Variants in LRMDA observed in about 807,000 individuals in gnomAD.
LRMDA encodes the protein leucine rich melanocyte differentiation associated.
In LRMDA, 18 loss-of-function variants were observed where a neutral mutation model predicts 29.8. That is an observed-to-expected ratio of 0.60 (90% CI 0.42 to 0.90). The LOEUF (loss-of-function observed/expected upper bound fraction) is 0.90. Among genes scored for constraint, LRMDA ranks in the 40% least tolerant of loss-of-function variants. The pLI is 0.00. For missense variants in LRMDA, 273 were observed against 273.9 expected (o/e 1.00, Z 0.02); for synonymous variants, 125 against 109.4 (o/e 1.14, Z -0.89).
At chr10:75,962,618 C>T (rs774036650) in intron 2 of LRMDA, among the ~76,000 whole-genome samples, 6 of 152,200 alleles carry the variant, frequency 3.9e-5, no homozygotes, top group Middle Eastern at 3.2e-3. Flanking sequence ...AGTAAATGAT[C>T]GCAGCCAATT....
chr10:75,830,947 C>T (rs965806854), intron 2 of LRMDA, among the ~76,000 whole-genome samples: 13 of 152,084 alleles, frequency 8.5e-5, no homozygotes, highest in African/African-American at 2.9e-4. Flanking sequence ...AACAGGAGTA[C>T]AGGAATTGGG....
chr10:75,956,323 G>T (rs1846662889), intron 2 of LRMDA, among the ~76,000 whole-genome samples: 1 of 152,084 alleles, frequency 6.6e-6, no homozygotes, highest in Non-Finnish European at 1.5e-5. Context: ...GGAGGATGAG[G>T]GTTAAATGGT....
intron 2 of LRMDA, among the ~76,000 whole-genome samples, chr10:75,739,611 C>A (rs1842806066): frequency 6.6e-6 from 1 of 152,108 alleles, no homozygotes; most frequent in African/African-American, 2.4e-5. Flanking sequence ...GGGTATCAGG[C>A]AGGTGAATCA....
chr10:76,187,927 C>T (rs979019407), intron 5 of LRMDA, among the ~76,000 whole-genome samples: 3 of 152,108 alleles, frequency 2.0e-5, no homozygotes, highest in African/African-American at 7.2e-5. Flanking sequence ...GTGTCATTCT[C>T]CTAGTTCCCA....
At chr10:75,487,332 T>C (rs1844927456) in intron 2 of LRMDA, among the ~76,000 whole-genome samples, 1 of 152,244 alleles carries the variant, frequency 6.6e-6, no homozygotes, top group Non-Finnish European at 1.5e-5. Flanking sequence ...GATGGGCTCA[T>C]GTCAGAAAGG....
chr10:75,696,726 G>A (rs999537898), intron 2 of LRMDA, among the ~76,000 whole-genome samples: 2 of 152,174 alleles, frequency 1.3e-5, no homozygotes, highest in Admixed American at 6.5e-5. Flanking sequence ...GCATTGGAGA[G>A]GAGCATGATG....
intron 2 of LRMDA, among the ~76,000 whole-genome samples, chr10:75,806,606 G>A (rs895758016): frequency 1.3e-5 from 2 of 151,502 alleles, no homozygotes; most frequent in East Asian, 1.9e-4. Flanking sequence ...TGATTGATCG[G>A]GATAAAGTTG....
At chr10:75,616,095 C>T (rs913353307) in intron 2 of LRMDA, among the ~76,000 whole-genome samples, 2 of 152,070 alleles carry the variant, frequency 1.3e-5, no homozygotes, top group Non-Finnish European at 2.9e-5. Flanking sequence ...GGGGAGGGCT[C>T]ACAGTCATGG....
chr10:76,083,563 T>G (rs1239700191), intron 5 of LRMDA, among the ~76,000 whole-genome samples: 1 of 152,194 alleles, frequency 6.6e-6, no homozygotes, highest in African/African-American at 2.4e-5. Context: ...GCACAGTGGC[T>G]CACGCCTCTA....
In LRMDA at chr10:76,022,090, A is replaced by G. The variant is rs188342933; in HGVS notation, c.132-13918A>G. Among the ~76,000 whole-genome samples, 4 of 152,286 alleles carry G rather than the reference A, an allele frequency of 2.6e-5. No individual in the cohort carries two copies. The East Asian group carries it at 5.8e-4, about 22-fold the overall frequency. ...AGGATACTAATCTTAAGATATTTGG[A>G]TATTAGAAGAGATCTTAGAGACCTT... On this transcript the variant is annotated intron_variant, in intron 2 of 6. Coordinates refer to ENST00000611255, the MANE Select transcript of LRMDA (RefSeq NM_001305581.2).
chr10:76,324,604 C>T (rs1265627913), intron 6 of LRMDA, 119 bp downstream of exon 6: 1 of 830,818 alleles, frequency 1.2e-6, no homozygotes, highest in Non-Finnish European at 2.0e-6. Context: ...CTTTTTAAGT[C>T]CTTGATGAGA....
intron 2 of LRMDA, among the ~76,000 whole-genome samples, chr10:75,633,796 A>G (rs1841356944): frequency 6.6e-6 from 1 of 152,228 alleles, no homozygotes. Context: ...TTTTTGCAAC[A>G]GATGATGTCA....
At chr10:76,483,128 C>T (rs1312537662) in intron 6 of LRMDA, among the ~76,000 whole-genome samples, 3 of 151,958 alleles carry the variant, frequency 2.0e-5, no homozygotes, top group Non-Finnish European at 2.9e-5. Flanking sequence ...TTATGAATTG[C>T]AGTTTTTCCT....
chr10:75,572,481 TTGAG>T (rs1447379892), intron 2 of LRMDA, among the ~76,000 whole-genome samples: 1 of 152,196 alleles, frequency 6.6e-6, no homozygotes, highest in African/African-American at 2.4e-5. Flanking sequence ...TAGATATTTG[TTGAG>T]TGACTATTTT....
At chr10:76,252,038 A>G (rs972403330) in intron 5 of LRMDA, among the ~76,000 whole-genome samples, 16 of 152,220 alleles carry the variant, frequency 1.1e-4, no homozygotes, top group African/African-American at 3.1e-4. Flanking sequence ...GTCACTTCCC[A>G]TAAGTTATGG....
chr10:75,462,631 C>T (rs1414920829), intron 2 of LRMDA, among the ~76,000 whole-genome samples: 1 of 152,204 alleles, frequency 6.6e-6, no homozygotes, highest in Non-Finnish European at 1.5e-5. Flanking sequence ...GTATCTATCA[C>T]ACCTATTTAA....
At chr10:76,087,003 A>G (rs892011991) in intron 5 of LRMDA, among the ~76,000 whole-genome samples, 1 of 152,204 alleles carries the variant, frequency 6.6e-6, no homozygotes, top group African/African-American at 2.4e-5. Context: ...CTTGTCCGAC[A>G]GAAATAAATC....
chr10:76,180,303 T>TG (rs1851020922), intron 5 of LRMDA, among the ~76,000 whole-genome samples: 4 of 123,710 alleles, frequency 3.2e-5, no homozygotes, highest in African/African-American at 1.3e-4. Context: ...TTTTTTTTTT[T>TG]GAGACAGAGT....
intron 2 of LRMDA, among the ~76,000 whole-genome samples, chr10:75,929,407 A>G (rs1000400886): frequency 3.3e-5 from 5 of 152,116 alleles, no homozygotes; most frequent in African/African-American, 9.7e-5. Flanking sequence ...CAGCCATACC[A>G]TCGTTGGCCA....
Sources: allele counts gnomAD v4.1 joint callset (sites outside exome capture counted in the v4.1 genomes callset), GRCh38; gene constraint gnomAD v4.1.1; transcripts MANE v1.5; gene names NCBI Gene and HGNC (gene_info 2026-07-23, HGNC 2026-07-21).